SRPX: variants seen among roughly 807,000 people sequenced by gnomAD.
SRPX encodes sushi repeat-containing protein SRPX.
In SRPX, 24 loss-of-function variants were observed where a neutral mutation model predicts 38.1. The observed-to-expected ratio is 0.63, with a 90% CI of 0.46 to 0.89. The LOEUF (loss-of-function observed/expected upper bound fraction) is 0.89, where lower values mean the gene tolerates loss of function less well. Among genes scored for constraint, SRPX ranks in the 40% least tolerant of loss-of-function variants. SRPX has a pLI of 0.00. For missense variants in SRPX, 416 were observed against 377.8 expected (o/e 1.10, Z -0.84); for synonymous variants, 184 against 153.8 (o/e 1.20, Z -1.45).
chrX:38,203,698 G>T (rs1240256047), intron 1 of SRPX, among the ~76,000 whole-genome samples: 2 of 112,213 alleles, frequency 1.8e-5, no homozygotes, highest in African/African-American at 6.5e-5. Context: ...AGAATCACTT[G>T]AACCTGGGAG....
At chrX:38,219,422 G>C (rs780932015) in intron 1 of SRPX, among the ~76,000 whole-genome samples, 5 of 110,871 alleles carry the variant, frequency 4.5e-5, no homozygotes, top group African/African-American at 9.9e-5. Context: ...CCTGCTAAAG[G>C]GGGTGGGAGA....
chrX:38,180,983 A>G (rs970214503), intron 1 of SRPX, among the ~76,000 whole-genome samples: 2 of 112,686 alleles, frequency 1.8e-5, no homozygotes, highest in Non-Finnish European at 3.7e-5. Flanking sequence ...TTGGTCCCAG[A>G]AGACTATATA....
intron 1 of SRPX, among the ~76,000 whole-genome samples, chrX:38,190,564 T>C (rs778059449): frequency 5.4e-5 from 6 of 111,927 alleles, no homozygotes; most frequent in African/African-American, 1.9e-4. Context: ...CTCCATTCGG[T>C]GCCCTTGAAC....
At chrX:38,169,358 T>C (rs139427831) in intron 4 of SRPX, among the ~76,000 whole-genome samples, 1,487 of 111,913 alleles carry the variant, frequency 0.013, 24 homozygotes, top group African/African-American at 0.046. Flanking sequence ...CTATGGGTCA[T>C]TGGGTAAACC....
At chrX:38,171,140 G>A (rs1602446629) in intron 4 of SRPX, among the ~76,000 whole-genome samples, 1 of 111,477 alleles carries the variant, frequency 9.0e-6, no homozygotes, top group East Asian at 2.8e-4. Context: ...AGGACCCACC[G>A]CAGACCTGCT....
intron 1 of SRPX, among the ~76,000 whole-genome samples, chrX:38,203,235 G>A (rs1406025417): frequency 2.7e-5 from 3 of 110,843 alleles, no homozygotes; most frequent in African/African-American, 9.8e-5. Context: ...ACATCCATTC[G>A]TGATTTAAAA....
At chrX:38,174,876 C>G (rs1398926106) in intron 2 of SRPX, among the ~76,000 whole-genome samples, 1 of 111,989 alleles carries the variant, frequency 8.9e-6, no homozygotes, top group Non-Finnish European at 1.9e-5. Flanking sequence ...TGTTGTAATA[C>G]TGGCATTAAT....
At chrX:38,192,224 C>A in intron 1 of SRPX, among the ~76,000 whole-genome samples, 1 of 112,070 alleles carries the variant, frequency 8.9e-6, no homozygotes, top group Non-Finnish European at 1.9e-5. Flanking sequence ...CCCCAAAGTG[C>A]ATTTATAAAT....
intron 1 of SRPX, among the ~76,000 whole-genome samples, chrX:38,197,652 T>C (rs1939022348): frequency 1.8e-5 from 2 of 112,019 alleles, no homozygotes; most frequent in South Asian, 3.8e-4. Context: ...GAGACTAGCT[T>C]TCATAGCAAA....
intron 8 of SRPX, among the ~76,000 whole-genome samples, chrX:38,155,241 C>T (rs942971106): frequency 2.7e-5 from 3 of 112,139 alleles, no homozygotes; most frequent in Admixed American, 9.4e-5. Context: ...TCCACTGAAA[C>T]GTCCCTATAT....
intron 4 of SRPX, among the ~76,000 whole-genome samples, chrX:38,170,586 CCTT>C (rs1334242489): frequency 3.6e-5 from 4 of 111,238 alleles, no homozygotes; most frequent in Non-Finnish European, 7.5e-5. Flanking sequence ...GTACAATCCT[CCTT>C]CTCCCAAATA....
intron 5 of SRPX, among the ~76,000 whole-genome samples, chrX:38,164,304 G>A (rs888506701): frequency 1.1e-4 from 12 of 109,701 alleles, no homozygotes; most frequent in Admixed American, 2.0e-4. Context: ...CACCATGCCT[G>A]GCTAATTTTT....
At chrX:38,217,852 G>A (rs187787673) in intron 1 of SRPX, among the ~76,000 whole-genome samples, 23 of 112,188 alleles carry the variant, frequency 2.1e-4, no homozygotes, top group Non-Finnish European at 3.8e-4. Context: ...TGCGAAATGA[G>A]TAGTAACTAA....
chrX:38,189,920 T>C (rs1395094681), intron 1 of SRPX, among the ~76,000 whole-genome samples: 2 of 112,230 alleles, frequency 1.8e-5, no homozygotes, highest in African/African-American at 6.5e-5. Context: ...TACACATTAC[T>C]GATATGCTCA....
At chrX:38,204,954 A>G (rs1330602796) in intron 1 of SRPX, among the ~76,000 whole-genome samples, 1 of 112,009 alleles carries the variant, frequency 8.9e-6, no homozygotes, top group African/African-American at 3.2e-5. Flanking sequence ...ACAAGTAGGC[A>G]GTGGGAGATT....
chrX:38,171,785 A>T, intron 4 of SRPX, 96 bp downstream of exon 4: 1 of 920,043 alleles, frequency 1.1e-6, no homozygotes, highest in Non-Finnish European at 1.5e-6. Flanking sequence ...TAGGCCTTAC[A>T]GGAGGAATAG....
intron 6 of SRPX, among the ~76,000 whole-genome samples, chrX:38,160,428 T>C (rs916269350): frequency 8.9e-6 from 1 of 111,979 alleles, no homozygotes; most frequent in Admixed American, 9.4e-5. Context: ...GTGTTATAGA[T>C]GAGGAAGTGA....
At chrX:38,150,807 C>G (rs1292776445) in intron 9 of SRPX, among the ~76,000 whole-genome samples, 1 of 112,163 alleles carries the variant, frequency 8.9e-6, no homozygotes, top group East Asian at 2.8e-4. Context: ...TCTTTCTGCT[C>G]TACCACACTA....
intron 1 of SRPX, among the ~76,000 whole-genome samples, chrX:38,189,022 G>A (rs934950932): frequency 9.9e-5 from 11 of 111,423 alleles, no homozygotes; most frequent in Non-Finnish European, 2.1e-4. Flanking sequence ...TTTGTTCAGG[G>A]CATAGATGTT....
Sources: allele counts gnomAD v4.1 joint callset (sites outside exome capture counted in the v4.1 genomes callset), GRCh38; gene constraint gnomAD v4.1.1; transcripts MANE v1.5; gene names NCBI Gene and HGNC (gene_info 2026-07-23, HGNC 2026-07-21).